Variants in SLC35F4 observed in about 807,000 individuals in gnomAD.
The protein encoded by SLC35F4 is solute carrier family 35 member F4, also known as chromosome 14 open reading frame 36.
Under a neutral mutation model 44.2 loss-of-function variants are expected in SLC35F4, and 24 were observed. That is an observed-to-expected ratio of 0.54 (90% CI 0.39 to 0.76). The LOEUF (loss-of-function observed/expected upper bound fraction) is 0.76. Ranked by LOEUF, SLC35F4 falls within the 30% of genes least tolerant of loss-of-function variation. SLC35F4 has a pLI of 0.00. For synonymous variants in SLC35F4, 238 were observed against 223.6 expected (o/e 1.06, Z -0.57); for missense variants, 562 against 586.1 (o/e 0.96, Z 0.42).
intron 1 of SLC35F4, among the ~76,000 whole-genome samples, chr14:57,904,762 T>C (rs975146023): frequency 5.9e-5 from 9 of 152,138 alleles, no homozygotes; most frequent in South Asian, 2.1e-4. Flanking sequence ...AAAGCACTTA[T>C]TCCAAAGTCA....
intron 3 of SLC35F4, among the ~76,000 whole-genome samples, chr14:57,587,765 G>A (rs2069861677): frequency 6.8e-6 from 1 of 146,706 alleles, no homozygotes; most frequent in Admixed American, 7.0e-5. Flanking sequence ...AGAACTTAAA[G>A]TACAATAAAA....
chr14:57,919,462 T>C (rs963131392), intron 1 of SLC35F4, among the ~76,000 whole-genome samples: 1 of 152,172 alleles, frequency 6.6e-6, no homozygotes, highest in Non-Finnish European at 1.5e-5. Flanking sequence ...TCAGAGTAAA[T>C]TATCTACTCT....
intron 1 of SLC35F4, among the ~76,000 whole-genome samples, chr14:57,863,736 G>C (rs1452805389): frequency 6.6e-6 from 1 of 152,150 alleles, no homozygotes; most frequent in Non-Finnish European, 1.5e-5. Context: ...GTGCAAAATA[G>C]CAATCTTTCT....
intron 1 of SLC35F4, among the ~76,000 whole-genome samples, chr14:57,757,410 T>C (rs2077018695): frequency 6.6e-6 from 1 of 152,238 alleles, no homozygotes; most frequent in Non-Finnish European, 1.5e-5. Flanking sequence ...TATTTGTTTT[T>C]ATTAGCGCCA....
intron 1 of SLC35F4, among the ~76,000 whole-genome samples, chr14:57,732,339 A>G (rs554969940): frequency 2.4e-4 from 36 of 152,306 alleles, no homozygotes; most frequent in Non-Finnish European, 4.3e-4. Context: ...GACTGAAATT[A>G]CAAACTAAAG....
At chr14:57,564,764 T>C (rs2068121514) in intron 7 of SLC35F4, among the ~76,000 whole-genome samples, 1 of 152,242 alleles carries the variant, frequency 6.6e-6, no homozygotes, top group Admixed American at 6.5e-5. Context: ...TCATGTAATA[T>C]AAAATTAACC....
chr14:57,626,639 A>T (rs2072488520), intron 1 of SLC35F4, among the ~76,000 whole-genome samples: 1 of 152,126 alleles, frequency 6.6e-6, no homozygotes, highest in Non-Finnish European at 1.5e-5. Context: ...CCAGAACTCG[A>T]TAGCACGCAG....
At chr14:57,600,519 C>T (rs1386402309) in intron 1 of SLC35F4, among the ~76,000 whole-genome samples, 5 of 149,042 alleles carry the variant, frequency 3.4e-5, no homozygotes, top group East Asian at 2.0e-4. Flanking sequence ...GGTGAAACCC[C>T]GTCTCTACTA....
rs2073422927 is a variant in SLC35F4 at position 57,644,776 on chromosome 14, C to G, written c.104-50652G>C. On this transcript the variant is annotated intron_variant, in intron 1 of 7. Coordinates refer to ENST00000556826, the MANE Select transcript of SLC35F4 (RefSeq NM_001306087.2). ...AATTTCTAACATGTAACTCTTTAAT[C>G]CATCTTGAATTAATTTTTGTATAAG... Among the ~76,000 whole-genome samples the G allele has an allele frequency of 3.3e-5, 5 of 152,140 alleles. No individual in the cohort carries two copies. The South Asian group carries it at 1.0e-3, about 32-fold the overall frequency.
intron 3 of SLC35F4, among the ~76,000 whole-genome samples, chr14:57,588,929 T>C (rs2069972361): frequency 1.3e-5 from 2 of 152,162 alleles, no homozygotes; most frequent in African/African-American, 4.8e-5. Flanking sequence ...CTTTCTGAAT[T>C]TGTGTCCTCT....
intron 1 of SLC35F4, among the ~76,000 whole-genome samples, chr14:57,796,289 A>G (rs2078052814): frequency 6.6e-6 from 1 of 152,150 alleles, no homozygotes; most frequent in African/African-American, 2.4e-5. Context: ...CAACTTTTAG[A>G]ATGACTTTTC....
In SLC35F4 at chr14:57,699,244, A is replaced by C. The variant is rs142741486; in HGVS notation, c.104-105120T>G. 2.9e-4 allele frequency among the ~76,000 whole-genome samples: 44 copies of C among 152,326 alleles called. 1 individual carries two copies. The highest frequency in any genetic ancestry group is 9.9e-4 in the African/African-American group (41 of 41,568). On this transcript the variant is annotated intron_variant, in intron 1 of 7. Transcript: ENST00000556826. ...GATAGAGAAGTGCACTTCATACAAA[A>C]GAACAAAAAAATAGAGGATTTGGGG...
In SLC35F4 at chr14:57,881,544, C is replaced by T. The variant is rs191826423; in HGVS notation, n.282+100369G>A. On this transcript the variant is annotated intron_variant and non_coding_transcript_variant, in intron 1 of 1. Coordinates refer to the SLC35F4 transcript ENST00000556568. Reference sequence around the variant, plus strand: ...TCTGGGCTCCATTTTTTAAAATGGGCATAATAACATTTATCAGAAAGGGTT... The same window carrying T: ...TCTGGGCTCCATTTTTTAAAATGGGTATAATAACATTTATCAGAAAGGGTT... Among the ~76,000 whole-genome samples the T allele has an allele frequency of 2.0e-5, 3 of 152,108 alleles. No individual in the cohort carries two copies. The East Asian group carries it at 5.8e-4, about 29-fold the overall frequency.
At chr14:57,854,484 A>G (rs1886890550) in intron 1 of SLC35F4, among the ~76,000 whole-genome samples, 1 of 152,224 alleles carries the variant, frequency 6.6e-6, no homozygotes, top group Non-Finnish European at 1.5e-5. Flanking sequence ...CATGTATGAA[A>G]GGAACAATGC....
intron 1 of SLC35F4, among the ~76,000 whole-genome samples, chr14:57,615,501 C>T (rs931587573): frequency 5.9e-5 from 9 of 151,896 alleles, no homozygotes; most frequent in Non-Finnish European, 1.3e-4. Context: ...TTTTAAAAAT[C>T]CATGGCACAC....
At chr14:57,620,073 A>G (rs1267954369) in intron 1 of SLC35F4, among the ~76,000 whole-genome samples, 1 of 152,186 alleles carries the variant, frequency 6.6e-6, no homozygotes, top group African/African-American at 2.4e-5. Context: ...TGATTGGTGT[A>G]CCTGAAAGTT....
chr14:57,726,330 TTGA>T (rs1402535838), intron 1 of SLC35F4, among the ~76,000 whole-genome samples: 1 of 152,150 alleles, frequency 6.6e-6, no homozygotes, highest in Non-Finnish European at 1.5e-5. Flanking sequence ...GCTGAGGTGC[TTGA>T]TGAAGGCAAA....
intron 1 of SLC35F4, among the ~76,000 whole-genome samples, chr14:57,692,022 G>A (rs144483087): frequency 6.6e-6 from 1 of 152,080 alleles, no homozygotes; most frequent in Non-Finnish European, 1.5e-5. Flanking sequence ...CATGCAAAAA[G>A]GTGAAATAGG....
chr14:57,590,205 G>C (rs142546544), intron 2 of SLC35F4, among the ~76,000 whole-genome samples: 2,605 of 126,798 alleles, frequency 0.021, 49 homozygotes, highest in Middle Eastern at 0.061. Context: ...GCTTGGCCAA[G>C]AAAGAGAGAC....
Sources: allele counts gnomAD v4.1 joint callset (sites outside exome capture counted in the v4.1 genomes callset), GRCh38; gene constraint gnomAD v4.1.1; transcripts MANE v1.5; gene names NCBI Gene and HGNC (gene_info 2026-07-23, HGNC 2026-07-21).